Variants in SLC24A2 observed in about 807,000 individuals in gnomAD.
The protein encoded by SLC24A2 is solute carrier family 24 member 2.
SLC24A2 carries 36 observed loss-of-function variants against 62.0 expected under a neutral mutation model. That is an observed-to-expected ratio of 0.58 (90% confidence interval 0.44 to 0.77). The LOEUF (loss-of-function observed/expected upper bound fraction) is 0.77. Among genes scored for constraint, SLC24A2 ranks in the 30% least tolerant of loss-of-function variants. SLC24A2 has a pLI of 0.00. For synonymous variants in SLC24A2, 358 were observed against 294.0 expected (o/e 1.22, Z -2.23); for missense variants, 846 against 817.9 (o/e 1.03, Z -0.42).
chr9:19,736,733 T>C (rs553154714), intron 2 of SLC24A2, among the ~76,000 whole-genome samples: 151 of 152,230 alleles, frequency 9.9e-4, no homozygotes, highest in African/African-American at 3.5e-3. Context: ...GCACCTGTAA[T>C]CTTAGCTACT....
the SLC24A2 span, among the ~76,000 whole-genome samples, chr9:20,249,627 C>T: frequency 6.7e-6 from 1 of 150,052 alleles, no homozygotes; most frequent in South Asian, 2.1e-4. Flanking sequence ...ATTGCTTGAA[C>T]CCAGGAGGCA....
chr9:20,280,308 C>A, the SLC24A2 span, among the ~76,000 whole-genome samples: 1 of 152,120 alleles, frequency 6.6e-6, no homozygotes, highest in Admixed American at 6.5e-5. Flanking sequence ...TTTTTTTGTA[C>A]CCCTTGTTAG....
At chr9:19,561,436 CTT>C (rs10641024) in intron 7 of SLC24A2, among the ~76,000 whole-genome samples, 2 of 138,174 alleles carry the variant, frequency 1.4e-5, no homozygotes, top group African/African-American at 5.4e-5. Context: ...GGAAAACAGA[CTT>C]TTTTTTTTTT....
At chr9:19,672,318 G>A (rs936212807) in intron 2 of SLC24A2, among the ~76,000 whole-genome samples, 2 of 146,380 alleles carry the variant, frequency 1.4e-5, no homozygotes. Flanking sequence ...AGGTTTTCTA[G>A]TTTATGCATG....
the SLC24A2 span, among the ~76,000 whole-genome samples, chr9:20,019,108 A>T: frequency 9.8e-5 from 3 of 30,548 alleles, no homozygotes; most frequent in Non-Finnish European, 1.6e-4. Context: ...AAAGATAGAA[A>T]GAAAGAAAGA....
the SLC24A2 span, among the ~76,000 whole-genome samples, chr9:20,234,514 C>G: frequency 1.3e-5 from 2 of 152,202 alleles, no homozygotes; most frequent in Admixed American, 6.5e-5. Context: ...TCCAGTTGAT[C>G]GCATCAGCTA....
intron 2 of SLC24A2, among the ~76,000 whole-genome samples, chr9:19,636,540 T>C (rs762771734): frequency 7.0e-4 from 106 of 151,454 alleles, no homozygotes; most frequent in Non-Finnish European, 1.4e-3. Context: ...CAAGCGATTA[T>C]TCTCCTACCT....
At chr9:19,973,210 A>G in the SLC24A2 span, among the ~76,000 whole-genome samples, 1 of 152,208 alleles carries the variant, frequency 6.6e-6, no homozygotes, top group African/African-American at 2.4e-5. Flanking sequence ...TGATGCTACC[A>G]GTGTTCTTGT....
chr9:19,706,379 C>CTTT (rs34321235), intron 2 of SLC24A2, among the ~76,000 whole-genome samples: 4 of 131,928 alleles, frequency 3.0e-5, no homozygotes, highest in Admixed American at 7.7e-5. Context: ...GGTCTTGAAT[C>CTTT]TTTTTTTTTT....
chr9:19,628,257 G>C (rs1587060657), intron 2 of SLC24A2, among the ~76,000 whole-genome samples: 1 of 152,278 alleles, frequency 6.6e-6, no homozygotes, highest in East Asian at 1.9e-4. Flanking sequence ...AGCTGCTTGT[G>C]TCACTGGCTA....
the SLC24A2 span, among the ~76,000 whole-genome samples, chr9:20,215,443 C>T: frequency 1.3e-5 from 2 of 151,904 alleles, no homozygotes; most frequent in African/African-American, 2.4e-5. Flanking sequence ...AACAAAGTTA[C>T]CTTCCTGAAA....
At chr9:20,280,004 C>A in the SLC24A2 span, among the ~76,000 whole-genome samples, 1 of 152,194 alleles carries the variant, frequency 6.6e-6, no homozygotes, top group Non-Finnish European at 1.5e-5. Context: ...AGTGCCCCTG[C>A]CAAACAAATG....
intron 9 of SLC24A2, among the ~76,000 whole-genome samples, chr9:19,525,624 G>A (rs528974696): frequency 5.3e-5 from 8 of 151,386 alleles, no homozygotes; most frequent in South Asian, 4.2e-4. Context: ...GGCTGATCTC[G>A]AACTCCTGGG....
chr9:19,939,352 C>G, the SLC24A2 span, among the ~76,000 whole-genome samples: 1 of 152,148 alleles, frequency 6.6e-6, no homozygotes, highest in African/African-American at 2.4e-5. Flanking sequence ...GCCTATTGCT[C>G]CTAGGCTATG....
chr9:20,191,821 G>C, the SLC24A2 span, among the ~76,000 whole-genome samples: 3 of 152,082 alleles, frequency 2.0e-5, no homozygotes, highest in African/African-American at 2.4e-5. Flanking sequence ...GTGAAAAAAA[G>C]AGTGAGGTTT....
chr9:20,196,881 C>G, the SLC24A2 span, among the ~76,000 whole-genome samples: 2 of 152,142 alleles, frequency 1.3e-5, no homozygotes, highest in Non-Finnish European at 2.9e-5. Flanking sequence ...CTTTCAATTC[C>G]TTTGTCCATG....
At chr9:20,224,131 A>T in the SLC24A2 span, among the ~76,000 whole-genome samples, 3 of 152,016 alleles carry the variant, frequency 2.0e-5, no homozygotes, top group Admixed American at 2.0e-4. Flanking sequence ...GGGGATTACA[A>T]TTCAAGATGA....
the SLC24A2 span, among the ~76,000 whole-genome samples, chr9:20,059,191 G>C: frequency 8.5e-5 from 13 of 152,200 alleles, no homozygotes; most frequent in Non-Finnish European, 1.5e-5. Context: ...GGATTATCCA[G>C]CTTGGCGAGT....
the SLC24A2 span, among the ~76,000 whole-genome samples, chr9:19,901,409 C>T: frequency 1.3e-5 from 2 of 152,090 alleles, no homozygotes; most frequent in African/African-American, 4.8e-5. Flanking sequence ...GGGTTACAGC[C>T]TGTAAATATG....
Sources: gnomAD v4.1 joint callset for allele counts (sites outside exome capture counted in the v4.1 genomes callset) on GRCh38, gnomAD v4.1.1 for gene constraint, MANE v1.5 for transcripts, NCBI Gene and HGNC (gene_info 2026-07-23, HGNC 2026-07-21) for gene names.